Variants in TENM4 observed in about 807,000 individuals in gnomAD.
TENM4 encodes teneurin-4.
In TENM4, 82 loss-of-function variants were observed where a neutral mutation model predicts 243.3. That is an observed-to-expected ratio of 0.34 (90% CI 0.28 to 0.40). TENM4 has a LOEUF of 0.40. Among genes scored for constraint, TENM4 ranks in the 10% least tolerant of loss-of-function variants. The probability of loss-of-function intolerance (pLI) is 1.00; values close to 1 mark genes in which losing one functional copy is unlikely to be tolerated. For synonymous variants in TENM4, 1,412 were observed against 1,456.3 expected (o/e 0.97, Z 0.69); for missense variants, 3,138 against 3,673.3 (o/e 0.85, Z 3.77).
chr11:78,965,370 C>A (rs1267343025), intron 6 of TENM4, among the ~76,000 whole-genome samples: 1 of 151,998 alleles, frequency 6.6e-6, no homozygotes, highest in Non-Finnish European at 1.5e-5. Flanking sequence ...GTTCTGTCTA[C>A]CAGGCCACAT....
chr11:79,309,084 T>C (rs1856676296), intron 1 of TENM4, among the ~76,000 whole-genome samples: 1 of 152,072 alleles, frequency 6.6e-6, no homozygotes, highest in South Asian at 2.1e-4. Context: ...CATGCCCTTC[T>C]GAAAAAAGGA....
intron 6 of TENM4, among the ~76,000 whole-genome samples, chr11:78,932,001 AC>A (rs1265695334): frequency 6.6e-6 from 1 of 152,156 alleles, no homozygotes; most frequent in African/African-American, 2.4e-5. Context: ...TCTAACAACA[AC>A]AAAAAAAGGT....
At chr11:79,413,074 A>G (rs1264314806) in intron 1 of TENM4, among the ~76,000 whole-genome samples, 1 of 152,252 alleles carries the variant, frequency 6.6e-6, no homozygotes, top group Non-Finnish European at 1.5e-5. Flanking sequence ...AAATCAGGCT[A>G]CTGCAAATAA....
At chr11:79,316,998 C>T (rs963582546) in intron 1 of TENM4, among the ~76,000 whole-genome samples, 1 of 152,180 alleles carries the variant, frequency 6.6e-6, no homozygotes, top group African/African-American at 2.4e-5. Context: ...AACCTCTTGC[C>T]ACACGTCTGT....
In TENM4 at chr11:79,022,036, T is replaced by C. The variant is rs1380682037; in HGVS notation, c.493+42702A>G. Among the ~76,000 whole-genome samples, 4 of 152,272 alleles carry C rather than the reference T, an allele frequency of 2.6e-5. No homozygotes were observed. The East Asian group carries it at 7.7e-4, about 29-fold the overall frequency. The stretch of plus-strand genomic sequence containing the variant: ...CTCTAGAGAAACCAAGGGACATTGA[T>C]GGTGAGATAACCCATAGTCATGGAG... On this transcript the variant is annotated intron_variant, in intron 6 of 33. Transcript: ENST00000278550.
chr11:79,312,899 G>T (rs1260279081), intron 1 of TENM4, among the ~76,000 whole-genome samples: 1 of 152,220 alleles, frequency 6.6e-6, no homozygotes, highest in East Asian at 1.9e-4. Context: ...GCCAGGGCAA[G>T]CTACTCACTC....
intron 6 of TENM4, among the ~76,000 whole-genome samples, chr11:78,912,424 T>G (rs1856209635): frequency 6.6e-6 from 1 of 152,162 alleles, no homozygotes; most frequent in Non-Finnish European, 1.5e-5. Flanking sequence ...CTGGCTAATT[T>G]TTAAATTTTT....
chr11:79,398,635 T>G (rs138959341), intron 1 of TENM4, among the ~76,000 whole-genome samples: 3 of 149,022 alleles, frequency 2.0e-5, no homozygotes, highest in Admixed American at 6.8e-5. Context: ...ATGGACCCAA[T>G]AGAACTTAAC....
chr11:79,216,956 G>T (rs1271787417), intron 2 of TENM4, among the ~76,000 whole-genome samples: 2 of 152,116 alleles, frequency 1.3e-5, no homozygotes, highest in Non-Finnish European at 2.9e-5. Context: ...AAGAGTCCTG[G>T]TTCTGGCCCA....
At chr11:79,156,150 A>G (rs897887111) in intron 3 of TENM4, among the ~76,000 whole-genome samples, 1 of 152,164 alleles carries the variant, frequency 6.6e-6, no homozygotes, top group African/African-American at 2.4e-5. Context: ...GTGGTGTTAA[A>G]GGTATCCAGG....
At chr11:78,982,896 A>G (rs1244172715) in intron 6 of TENM4, among the ~76,000 whole-genome samples, 1 of 152,068 alleles carries the variant, frequency 6.6e-6, no homozygotes, top group Non-Finnish European at 1.5e-5. Flanking sequence ...AGCCCTGAGC[A>G]TTGTCCTTGC....
At chr11:78,948,520 C>T (rs1335224398) in intron 6 of TENM4, among the ~76,000 whole-genome samples, 1 of 152,008 alleles carries the variant, frequency 6.6e-6, no homozygotes, top group African/African-American at 2.4e-5. Context: ...CTACAGGCAC[C>T]CGCCACCGCG....
In TENM4 at chr11:78,881,298, T is replaced by G. The variant is rs144709818; in HGVS notation, c.1084+8487A>C. 5.4e-3 allele frequency among the ~76,000 whole-genome samples: 819 copies of G among 152,304 alleles called. 8 individuals carry two copies. Among genetic ancestry groups the G allele is most frequent in the African/African-American group, 0.019 (769 of 41,564 alleles). Reference sequence around the variant, plus strand: ...TCCTTTTTCACCCTGCTCTGTGCCCTGGGAGGCTGGTCCACATGGCCTGGA... The same window carrying G: ...TCCTTTTTCACCCTGCTCTGTGCCCGGGGAGGCTGGTCCACATGGCCTGGA... On this transcript the variant is annotated intron_variant, in intron 9 of 33. Transcript: ENST00000278550.
At chr11:79,271,209 A>G (rs535470363) in intron 2 of TENM4, among the ~76,000 whole-genome samples, 148 of 152,294 alleles carry the variant, frequency 9.7e-4, no homozygotes, top group African/African-American at 3.4e-3. Context: ...GGAACATTCA[A>G]ACTGAACTCA....
chr11:79,074,895 G>C (rs1178220393), intron 4 of TENM4, among the ~76,000 whole-genome samples: 2 of 152,180 alleles, frequency 1.3e-5, no homozygotes, highest in African/African-American at 4.8e-5. Flanking sequence ...GACCAGGGAT[G>C]TGCCAGTTTC....
chr11:78,962,502 G>T (rs968785806), intron 6 of TENM4, among the ~76,000 whole-genome samples: 1 of 151,970 alleles, frequency 6.6e-6, no homozygotes, highest in African/African-American at 2.4e-5. Context: ...CGTGGGCCGG[G>T]GGCGGGGCTG....
intron 6 of TENM4, among the ~76,000 whole-genome samples, chr11:79,022,057 T>C (rs983630720): frequency 1.3e-5 from 2 of 152,112 alleles, no homozygotes; most frequent in Admixed American, 6.5e-5. Flanking sequence ...CCCATAGTCA[T>C]GGAGAGATGG....
At chr11:79,371,805 C>A (rs916557279) in intron 1 of TENM4, among the ~76,000 whole-genome samples, 2 of 152,166 alleles carry the variant, frequency 1.3e-5, no homozygotes. Flanking sequence ...AATATGATCA[C>A]CTACATCACC....
chr11:78,785,592 G>T (rs1856919426), intron 16 of TENM4, among the ~76,000 whole-genome samples: 1 of 152,182 alleles, frequency 6.6e-6, no homozygotes, highest in Non-Finnish European at 1.5e-5. Flanking sequence ...CAGGGTGATT[G>T]TAAGGAGGAT....
Sources: gnomAD v4.1 joint callset for allele counts (sites outside exome capture counted in the v4.1 genomes callset) on GRCh38, gnomAD v4.1.1 for gene constraint, MANE v1.5 for transcripts, NCBI Gene and HGNC (gene_info 2026-07-23, HGNC 2026-07-21) for gene names.